Variants in MTUS2 observed in about 807,000 individuals in gnomAD.
The protein encoded by MTUS2 is microtubule-associated tumor suppressor candidate 2.
Under a neutral mutation model 114.1 loss-of-function variants are expected in MTUS2, and 40 were observed. The observed-to-expected ratio is 0.35, with a 90% confidence interval of 0.27 to 0.46. MTUS2 has a LOEUF of 0.46. Among genes scored for constraint, MTUS2 ranks in the 20% least tolerant of loss-of-function variants. The probability of loss-of-function intolerance (pLI) is 1.00; values close to 1 mark genes in which losing one functional copy is unlikely to be tolerated. For synonymous variants in MTUS2, 688 were observed against 672.0 expected (o/e 1.02, Z -0.37); for missense variants, 1,679 against 1,705.4 (o/e 0.98, Z 0.27).
chr13:28,879,911 A>G (rs1878185994), intron 2 of MTUS2, among the ~76,000 whole-genome samples: 2 of 152,082 alleles, frequency 1.3e-5, no homozygotes, highest in African/African-American at 4.8e-5. Flanking sequence ...GGTCAGAGAG[A>G]TAAGGAAGCA....
In MTUS2 at chr13:29,505,460, T is replaced by C; in HGVS notation, c.*2254T>C. ...CACGTGGCCCTGGCTTCGTGGTTTG[T>C]TTGTTTTTTTTCTTTTGTTACGGAC... On this transcript the variant is annotated 3_prime_UTR_variant, in exon 16 of 16. Transcript: ENST00000612955. 9.2e-6 allele frequency: 1 copy of C among 108,692 alleles called. No homozygotes were observed. Among genetic ancestry groups the C allele is most frequent in the Non-Finnish European group, 1.8e-5 (1 of 56,084 alleles). 6.7% of individuals were successfully genotyped at this position (108,692 alleles called of 1,614,324 possible). A position where few individuals can be genotyped will look rare whatever the true frequency, so the allele number is the denominator to read the frequency against.
chr13:29,375,463 G>A (rs192204588), intron 8 of MTUS2, among the ~76,000 whole-genome samples: 2 of 127,436 alleles, frequency 1.6e-5, no homozygotes, highest in Non-Finnish European at 3.2e-5. Context: ...GGCAACAACC[G>A]CAATTACTTA....
Position 29,025,156 on chromosome 13 carries a change from A to AAGG in MTUS2, c.459_460insGGA (p.Glu153_Ile154insGly). 1 of 1,613,958 alleles carries AAGG rather than the reference A, an allele frequency of 6.2e-7. No homozygotes were observed. Among genetic ancestry groups the AAGG allele is most frequent in the Non-Finnish European group, 8.5e-7 (1 of 1,179,870 alleles). On this transcript the variant is annotated inframe_insertion, in exon 3 of 16. Transcript: ENST00000612955. ...GACGTTTTGGCTAAAAGGGATGCTG[A>AAGG]AATTCCCCGGCATGTTCCCAAGGAT...
At chr13:28,895,010 G>T (rs1327477970) in intron 2 of MTUS2, among the ~76,000 whole-genome samples, 2 of 152,224 alleles carry the variant, frequency 1.3e-5, no homozygotes, top group Non-Finnish European at 2.9e-5. Flanking sequence ...AAGGATTAAA[G>T]AATGTATTTC....
chr13:28,966,128 T>C (rs1883571155), intron 2 of MTUS2, among the ~76,000 whole-genome samples: 1 of 152,208 alleles, frequency 6.6e-6, no homozygotes, highest in South Asian at 2.1e-4. Context: ...AAAGTAATAA[T>C]GAAAAGCTAG....
chr13:28,851,306 C>A (rs1876249602), intron 2 of MTUS2, among the ~76,000 whole-genome samples: 2 of 152,144 alleles, frequency 1.3e-5, no homozygotes. Context: ...TTTTTAAATG[C>A]CATTATGTAA....
At chr13:29,491,105 T>C (rs1882038584) in intron 11 of MTUS2, among the ~76,000 whole-genome samples, 1 of 149,548 alleles carries the variant, frequency 6.7e-6, no homozygotes, top group Admixed American at 6.7e-5. Flanking sequence ...CGGGTGTTTA[T>C]AGTGTGTGCA....
chr13:29,341,357 AG>A (rs1452852276), intron 7 of MTUS2, among the ~76,000 whole-genome samples: 1 of 152,116 alleles, frequency 6.6e-6, no homozygotes, highest in African/African-American at 2.4e-5. Context: ...TGCAGGAGTA[AG>A]GTGGTTATCG....
intron 8 of MTUS2, among the ~76,000 whole-genome samples, chr13:29,395,448 G>T (rs887960892): frequency 6.6e-6 from 1 of 152,192 alleles, no homozygotes; most frequent in East Asian, 1.9e-4. Context: ...AATCAGAGAC[G>T]TCTCCTTGAT....
chr13:29,020,210 A>G (rs890025612), intron 2 of MTUS2, among the ~76,000 whole-genome samples: 1 of 152,146 alleles, frequency 6.6e-6, no homozygotes, highest in African/African-American at 2.4e-5. Context: ...TTCTAAGGCC[A>G]TTATTGTTAA....
chr13:29,450,640 G>C (rs1297481509), intron 9 of MTUS2, among the ~76,000 whole-genome samples: 1 of 152,094 alleles, frequency 6.6e-6, no homozygotes, highest in Non-Finnish European at 1.5e-5. Flanking sequence ...GACAGAGTTT[G>C]TCAGATTGGA....
At chr13:29,260,566 C>T (rs1256922384) in intron 5 of MTUS2, among the ~76,000 whole-genome samples, 1 of 152,172 alleles carries the variant, frequency 6.6e-6, no homozygotes, top group Non-Finnish European at 1.5e-5. Context: ...TGGGTTAAAA[C>T]ATGGTTGAAT....
intron 4 of MTUS2, among the ~76,000 whole-genome samples, chr13:29,058,702 A>G (rs1240588088): frequency 1.9e-4 from 27 of 140,072 alleles, no homozygotes; most frequent in African/African-American, 6.7e-4. Context: ...TCCAAATGCT[A>G]TCCCTCCCCC....
At chr13:29,427,715 A>C (rs924664174) in intron 8 of MTUS2, among the ~76,000 whole-genome samples, 4 of 152,198 alleles carry the variant, frequency 2.6e-5, no homozygotes, top group African/African-American at 9.7e-5. Context: ...AGTTAGTAAA[A>C]TCATCTAGTT....
chr13:28,893,538 G>A (rs967237292), intron 2 of MTUS2, among the ~76,000 whole-genome samples: 2 of 152,156 alleles, frequency 1.3e-5, no homozygotes, highest in Non-Finnish European at 2.9e-5. Flanking sequence ...TATATTATTG[G>A]TTCGTTATGT....
intron 2 of MTUS2, among the ~76,000 whole-genome samples, chr13:29,016,746 C>T (rs1044492267): frequency 1.3e-5 from 2 of 152,082 alleles, no homozygotes; most frequent in African/African-American, 2.4e-5. Flanking sequence ...GAATAAAATG[C>T]GATATGCTAC....
At chr13:29,059,155 G>C (rs1888286404) in intron 4 of MTUS2, among the ~76,000 whole-genome samples, 1 of 150,856 alleles carries the variant, frequency 6.6e-6, no homozygotes, top group African/African-American at 2.4e-5. Flanking sequence ...CGAATTGCCA[G>C]AGTTCTTGCA....
At chr13:28,941,999 A>T (rs1882266410) in intron 2 of MTUS2, among the ~76,000 whole-genome samples, 1 of 152,222 alleles carries the variant, frequency 6.6e-6, no homozygotes, top group African/African-American at 2.4e-5. Flanking sequence ...ATCAGAAAAT[A>T]TTGGACTACA....
At chr13:29,054,886 T>A (rs1888060534) in intron 4 of MTUS2, among the ~76,000 whole-genome samples, 1 of 152,074 alleles carries the variant, frequency 6.6e-6, no homozygotes, top group South Asian at 2.1e-4. Flanking sequence ...TGGGGATTTC[T>A]TAGATACTCT....
Sources: allele counts gnomAD v4.1 joint callset (sites outside exome capture counted in the v4.1 genomes callset), GRCh38; gene constraint gnomAD v4.1.1; transcripts MANE v1.5; gene names NCBI Gene and HGNC (gene_info 2026-07-23, HGNC 2026-07-21).